Variants in CLIC5 observed in about 807,000 individuals in gnomAD.
CLIC5 encodes CLIC family member 5.
In CLIC5, 20 loss-of-function variants were observed where a neutral mutation model predicts 24.7. That is an observed-to-expected ratio of 0.81 (90% CI 0.57 to 1.18). CLIC5 has a LOEUF of 1.18. CLIC5 is among the 50% of genes most tolerant of loss of function. The probability of loss-of-function intolerance (pLI) is 0.00; values close to 1 mark genes in which losing one functional copy is unlikely to be tolerated. For missense variants in CLIC5, 341 were observed against 326.1 expected (o/e 1.05, Z -0.35); for synonymous variants, 159 against 135.6 (o/e 1.17, Z -1.20).
At chr6:46,053,213 G>T (rs1163049550) in intron 1 of CLIC5, among the ~76,000 whole-genome samples, 4 of 152,156 alleles carry the variant, frequency 2.6e-5, no homozygotes, top group African/African-American at 7.2e-5. Flanking sequence ...TATGCATTCA[G>T]TATAATCATT....
intron 4 of CLIC5, chr6:45,920,454 G>T: frequency 2.5e-6 from 1 of 396,956 alleles, no homozygotes; most frequent in Non-Finnish European, 3.4e-6. Flanking sequence ...AGATCATGTT[G>T]ATATAACCAA....
chr6:46,024,499 A>G (rs532637994), intron 1 of CLIC5, among the ~76,000 whole-genome samples: 18 of 152,306 alleles, frequency 1.2e-4, no homozygotes, highest in Admixed American at 3.3e-4. Flanking sequence ...TCCCACCACC[A>G]CTAAGACAGA....
intron 1 of CLIC5, among the ~76,000 whole-genome samples, chr6:45,985,202 A>G (rs1217026373): frequency 2.6e-5 from 4 of 152,154 alleles, no homozygotes; most frequent in African/African-American, 9.7e-5. Context: ...GGGAGCCCTG[A>G]GCTGTTGTTC....
intron 4 of CLIC5, among the ~76,000 whole-genome samples, chr6:45,930,369 A>T (rs1294298463): frequency 6.6e-6 from 1 of 152,140 alleles, no homozygotes; most frequent in African/African-American, 2.4e-5. Flanking sequence ...GGTAGTTGTC[A>T]TTGGGAGGGG....
rs1434388903 is a variant in CLIC5, at chr6:45,901,463, A to T, written c.*1625T>A. 2 of 152,014 alleles carry T rather than the reference A, an allele frequency of 1.3e-5. No individual in the cohort carries two copies. The highest frequency in any genetic ancestry group is 6.6e-5 in the Admixed American group (1 of 15,266). The allele number at this position is 152,014 out of a possible 1,614,324, so 9.4% of individuals were successfully genotyped here. On this transcript the variant is annotated 3_prime_UTR_variant, in exon 6 of 6. Coordinates refer to ENST00000339561, the MANE Select transcript of CLIC5 (RefSeq NM_016929.5). ...GGATTGCTTGGGTTAGAATTTGTTGATATTTCTATGGAAAGGACCCGTGCT... is the reference window on the plus strand; with the variant it reads ...GGATTGCTTGGGTTAGAATTTGTTGTTATTTCTATGGAAAGGACCCGTGCT...
At chr6:46,011,292 G>T (rs933991830) in intron 1 of CLIC5, among the ~76,000 whole-genome samples, 1 of 152,204 alleles carries the variant, frequency 6.6e-6, no homozygotes, top group Admixed American at 6.5e-5. Flanking sequence ...ATGCCCTGAG[G>T]CTGTTAGAAG....
chr6:45,938,353 A>G (rs930945495), intron 4 of CLIC5, among the ~76,000 whole-genome samples: 6 of 152,188 alleles, frequency 3.9e-5, no homozygotes, highest in Non-Finnish European at 5.9e-5. Context: ...TGCTAAGCCT[A>G]AGAATTTTGG....
intron 1 of CLIC5, among the ~76,000 whole-genome samples, chr6:46,025,055 G>C (rs1416510487): frequency 6.6e-6 from 1 of 151,268 alleles, no homozygotes; most frequent in Non-Finnish European, 1.5e-5. Context: ...TTTTTCAAAA[G>C]AGAATGTCTT....
chr6:46,073,670 C>T (rs1363939734), intron 1 of CLIC5, among the ~76,000 whole-genome samples: 1 of 152,148 alleles, frequency 6.6e-6, no homozygotes, highest in African/African-American at 2.4e-5. Flanking sequence ...GATCCAAGCC[C>T]CTTAGTTTGC....
intron 1 of CLIC5, among the ~76,000 whole-genome samples, chr6:45,976,660 C>T (rs976380869): frequency 6.6e-6 from 1 of 152,184 alleles, no homozygotes; most frequent in African/African-American, 2.4e-5. Flanking sequence ...TGTCAAATAA[C>T]CCCTTCTTAG....
At chr6:46,121,081 T>G in the CLIC5 span, among the ~76,000 whole-genome samples, 2,875 of 152,038 alleles carry the variant, frequency 0.019, 91 homozygotes, top group African/African-American at 0.065. Context: ...ATACAGAGAA[T>G]GCCACCAAGA....
At chr6:46,044,621 A>G (rs1442104966) in intron 1 of CLIC5, among the ~76,000 whole-genome samples, 1 of 152,200 alleles carries the variant, frequency 6.6e-6, no homozygotes, top group Non-Finnish European at 1.5e-5. Flanking sequence ...AGTGGCAGGA[A>G]TGTAGGTTTC....
At chr6:46,065,552 A>G (rs1762418974) in intron 1 of CLIC5, among the ~76,000 whole-genome samples, 1 of 152,194 alleles carries the variant, frequency 6.6e-6, no homozygotes, top group African/African-American at 2.4e-5. Context: ...AAAAAGTTGT[A>G]GCACAATACA....
chr6:45,911,681 A>C (rs931619607), intron 5 of CLIC5: 1 of 985,154 alleles, frequency 1.0e-6, no homozygotes, highest in Non-Finnish European at 1.2e-6. Flanking sequence ...TAGTTTCAAT[A>C]CAGCAGAAAT....
chr6:46,072,767 C>T (rs1581920123), intron 1 of CLIC5, among the ~76,000 whole-genome samples: 1 of 152,242 alleles, frequency 6.6e-6, no homozygotes, highest in African/African-American at 2.4e-5. Context: ...ATAGCTTATT[C>T]TACCCCTCCC....
At chr6:46,005,528 T>C (rs1581851641) in intron 1 of CLIC5, among the ~76,000 whole-genome samples, 1 of 152,080 alleles carries the variant, frequency 6.6e-6, no homozygotes. Context: ...CACAGGCAGG[T>C]AGGGGCACAG....
the CLIC5 span, among the ~76,000 whole-genome samples, chr6:46,087,608 C>T: frequency 6.6e-6 from 1 of 152,130 alleles, no homozygotes; most frequent in Non-Finnish European, 1.5e-5. Context: ...CCCTTCTCAT[C>T]CCCTCTCTGC....
rs1459366345 is a variant in CLIC5 at position 45,914,643 on chromosome 6, GA to G, written c.407-235del. ...TAAACACTAGCTAATCTTTTGCTTT[GA>G]AAAAAATACATAAATATAGAAACAC... On this transcript the variant is annotated intron_variant, in intron 4 of 5. Transcript: ENST00000339561. 12 of 748,956 alleles carry G rather than the reference GA, an allele frequency of 1.6e-5. No homozygotes were observed. In the East Asian group the frequency reaches 3.8e-4, roughly 24 times the overall value. 46.4% of individuals were successfully genotyped at this position (748,956 alleles called of 1,614,324 possible).
rs189419708 is a variant in CLIC5, at chr6:46,053,012, C to A, written c.540+26691G>T. Among the ~76,000 whole-genome samples the A allele has an allele frequency of 3.4e-3, 514 of 152,026 alleles. 11 individuals are homozygous for A. Among genetic ancestry groups the A allele is most frequent in the Admixed American group, 0.029 (448 of 15,262 alleles). ...TTATTAAAAATTAAGAACATAACTG[C>A]TAAAAATGAAAAATTTAATAGAAGA... On this transcript the variant is annotated intron_variant, in intron 1 of 5. Transcript: ENST00000185206.
Sources: allele counts gnomAD v4.1 joint callset (sites outside exome capture counted in the v4.1 genomes callset), GRCh38; gene constraint gnomAD v4.1.1; transcripts MANE v1.5; gene names NCBI Gene and HGNC (gene_info 2026-07-23, HGNC 2026-07-21).